Variants in PTPRR observed in about 807,000 individuals in gnomAD.
PTPRR encodes receptor-type tyrosine-protein phosphatase R.
In PTPRR, 38 loss-of-function variants were observed where a neutral mutation model predicts 77.2. That is an observed-to-expected ratio of 0.49 (90% CI 0.38 to 0.65). The LOEUF is 0.65. Ranked by LOEUF, PTPRR falls within the 30% of genes least tolerant of loss-of-function variation. The probability of loss-of-function intolerance (pLI) is 0.00; values close to 1 mark genes in which losing one functional copy is unlikely to be tolerated. For missense variants in PTPRR, 744 were observed against 799.2 expected (o/e 0.93, Z 0.83); for synonymous variants, 299 against 283.1 (o/e 1.06, Z -0.57).
intron 2 of PTPRR, chr12:70,788,676 C>T: frequency 3.0e-6 from 2 of 673,276 alleles, no homozygotes; most frequent in South Asian, 1.7e-5. Flanking sequence ...AGATATTTCC[C>T]TAGATATCAC....
At chr12:70,797,505 T>TA (rs987961726) in intron 2 of PTPRR, among the ~76,000 whole-genome samples, 4 of 152,192 alleles carry the variant, frequency 2.6e-5, no homozygotes, top group African/African-American at 9.6e-5. Flanking sequence ...TGTTTCCACA[T>TA]AAAGTATTTT....
At chr12:70,716,946 C>G (rs1047257108) in intron 6 of PTPRR, among the ~76,000 whole-genome samples, 3 of 152,170 alleles carry the variant, frequency 2.0e-5, no homozygotes, top group Non-Finnish European at 1.5e-5. Context: ...AATATATCAT[C>G]CAAATCACTA....
chr12:70,701,178 C>G lies in PTPRR; in HGVS notation c.1153G>C (p.Asp385His), dbSNP rs750150368. The change falls in exon 7 of 14, where the codon GAC becomes CAC. Residue 385 changes from aspartate (D) to histidine (H), a missense_variant. By Grantham distance (81) the Asp-to-His change is moderately conservative (BLOSUM62 -1). Around this residue, in one of 3 missense-constraint regions of PTPRR, gnomAD observed 570 missense variants for 573.2 expected, o/e 0.99. Coordinates refer to ENST00000283228, the MANE Select transcript of PTPRR (RefSeq NM_002849.4). ...SRILTRSQLR[D>H]VVASSHLLQS... is the part of the protein sequence containing the mutation. ...AGTAAATGTGAACTTGCCACGACGT[C>G]CCTCAGCTGAGACCTTGTGAGAATT... 6.2e-7 allele frequency: 1 copy of G among 1,613,818 alleles called. No homozygotes were observed. The highest frequency in any genetic ancestry group is 1.7e-5 in the Admixed American group (1 of 59,926).
At chr12:70,783,663 G>A (rs942313439) in intron 2 of PTPRR, among the ~76,000 whole-genome samples, 2 of 151,418 alleles carry the variant, frequency 1.3e-5, no homozygotes, top group Non-Finnish European at 2.9e-5. Flanking sequence ...CAGGACTGGC[G>A]GCCCCGGACC....
chr12:70,704,851 T>C (rs895435116), intron 6 of PTPRR, among the ~76,000 whole-genome samples: 3 of 152,112 alleles, frequency 2.0e-5, no homozygotes, highest in Non-Finnish European at 4.4e-5. Flanking sequence ...GAAAACGAAC[T>C]CTACTGAAAG....
intron 2 of PTPRR, among the ~76,000 whole-genome samples, chr12:70,791,192 A>AT (rs1379406114): frequency 3.9e-5 from 6 of 152,210 alleles, no homozygotes; most frequent in African/African-American, 1.2e-4. Flanking sequence ...AGAATCTGAC[A>AT]TGGTCCTATT....
Position 70,750,974 on chromosome 12 carries a change from A to C in PTPRR, c.738+3217T>G, listed in dbSNP as rs115030466. The stretch of plus-strand genomic sequence containing the variant: ...AGGCTAGTTTTAGACCCCTGGGCTT[A>C]TGCAATTCCCCTGCCTCTGCCTCCC... On this transcript the variant is annotated intron_variant, in intron 5 of 13. Coordinates refer to ENST00000283228, the MANE Select transcript of PTPRR (RefSeq NM_002849.4). Among the ~76,000 whole-genome samples the C allele has an allele frequency of 7.6e-3, 1,124 of 147,092 alleles. 15 individuals are homozygous for C. The highest frequency in any genetic ancestry group is 0.027 in the African/African-American group (1,053 of 39,286).
chr12:70,721,537 T>C (rs1309131709), intron 6 of PTPRR, among the ~76,000 whole-genome samples: 1 of 152,128 alleles, frequency 6.6e-6, no homozygotes, highest in Non-Finnish European at 1.5e-5. Flanking sequence ...TTTCAACACA[T>C]TTTAGGTATT....
intron 1 of PTPRR, among the ~76,000 whole-genome samples, chr12:70,894,503 G>C (rs1351578491): frequency 6.6e-6 from 1 of 151,696 alleles, no homozygotes; most frequent in African/African-American, 2.4e-5. Context: ...CTTCATTGTA[G>C]TGATATCAGA....
At chr12:70,917,508 C>T (rs1188693223) in intron 1 of PTPRR, among the ~76,000 whole-genome samples, 3 of 152,072 alleles carry the variant, frequency 2.0e-5, no homozygotes, top group Admixed American at 2.0e-4. Context: ...AATCGGCTGC[C>T]ATGGGTAGAG....
chr12:70,695,620 A>C (rs1033528081), intron 8 of PTPRR, among the ~76,000 whole-genome samples: 1 of 152,188 alleles, frequency 6.6e-6, no homozygotes, highest in Non-Finnish European at 1.5e-5. Flanking sequence ...TGAACTTTGA[A>C]CTAATGCTAA....
At chr12:70,775,777 GC>G (rs1891074572) in intron 2 of PTPRR, among the ~76,000 whole-genome samples, 1 of 151,152 alleles carries the variant, frequency 6.6e-6, no homozygotes, top group African/African-American at 2.4e-5. Context: ...ACTCAAATGT[GC>G]CCCCCAACCC....
intron 2 of PTPRR, among the ~76,000 whole-genome samples, chr12:70,832,880 C>T (rs899217653): frequency 4.6e-5 from 7 of 152,124 alleles, no homozygotes; most frequent in African/African-American, 1.7e-4. Flanking sequence ...AGCAGGCATG[C>T]TACTTGGTGA....
intron 8 of PTPRR, among the ~76,000 whole-genome samples, chr12:70,693,385 C>T (rs1380313495): frequency 6.6e-6 from 1 of 152,106 alleles, no homozygotes; most frequent in Admixed American, 6.6e-5. Flanking sequence ...CGACCTCAAC[C>T]TCCCGGGCTC....
chr12:70,690,082 G>A (rs1217923535), intron 8 of PTPRR, among the ~76,000 whole-genome samples: 1 of 152,148 alleles, frequency 6.6e-6, no homozygotes, highest in East Asian at 1.9e-4. Flanking sequence ...TTGCTGCCTG[G>A]GATGTGGTCA....
At chr12:70,731,797 G>A (rs1889672165) in intron 6 of PTPRR, among the ~76,000 whole-genome samples, 1 of 152,222 alleles carries the variant, frequency 6.6e-6, no homozygotes, top group Non-Finnish European at 1.5e-5. Flanking sequence ...CCTCTATTAT[G>A]TGTGTGGTAT....
chr12:70,857,195 T>C (rs1592795933), intron 2 of PTPRR, among the ~76,000 whole-genome samples: 1 of 152,074 alleles, frequency 6.6e-6, no homozygotes, highest in African/African-American at 2.4e-5. Flanking sequence ...ACAGTCAAAA[T>C]AAAGGAGCTG....
At chr12:70,806,645 A>G (rs1200865882) in intron 2 of PTPRR, among the ~76,000 whole-genome samples, 4 of 152,188 alleles carry the variant, frequency 2.6e-5, no homozygotes, top group Non-Finnish European at 5.9e-5. Flanking sequence ...CAGACATATC[A>G]TACTACCATT....
At chr12:70,882,077 T>TAA (rs1007002591) in intron 2 of PTPRR, among the ~76,000 whole-genome samples, 2 of 152,192 alleles carry the variant, frequency 1.3e-5, no homozygotes, top group African/African-American at 4.8e-5. Context: ...TCAACCTGGT[T>TAA]AAAGGTTTTT....
Sources: gnomAD v4.1 joint callset for allele counts (sites outside exome capture counted in the v4.1 genomes callset) on GRCh38, gnomAD v4.1.1 for gene constraint, gnomAD v4.1.1 regional missense constraint, MANE v1.5 for transcripts, NCBI Gene and HGNC (gene_info 2026-07-23, HGNC 2026-07-21) for gene names.